Variants in PDZRN4 observed in about 807,000 individuals in gnomAD.
PDZRN4 encodes the protein PDZ domain-containing RING finger protein 4.
A neutral mutation model predicts 99.0 loss-of-function variants in PDZRN4; 70 were observed. The ratio of observed to expected loss-of-function variants is 0.71; its 90% CI spans 0.58 to 0.86. The LOEUF (loss-of-function observed/expected upper bound fraction) is 0.86. PDZRN4 is among the 40% of genes least tolerant of loss of function. PDZRN4 has a pLI of 0.00. For synonymous variants in PDZRN4, 551 were observed against 501.6 expected (o/e 1.10, Z -1.32); for missense variants, 1,474 against 1,331.2 (o/e 1.11, Z -1.67).
intron 3 of PDZRN4, among the ~76,000 whole-genome samples, chr12:41,361,229 T>C (rs1951961867): frequency 6.6e-6 from 1 of 152,080 alleles, no homozygotes; most frequent in Non-Finnish European, 1.5e-5. Context: ...CATAAACAAA[T>C]AATTATAGAA....
intron 4 of PDZRN4, 66 bp downstream of exon 4, chr12:41,506,778 A>C: frequency 6.6e-7 from 1 of 1,523,684 alleles, no homozygotes; most frequent in East Asian, 2.3e-5. Flanking sequence ...CAGATGTTGA[A>C]AAGAAGCAGT....
intron 3 of PDZRN4, among the ~76,000 whole-genome samples, chr12:41,443,531 A>C (rs1426960939): frequency 1.3e-5 from 2 of 152,082 alleles, no homozygotes; most frequent in Non-Finnish European, 2.9e-5. Context: ...GAGAACTGTG[A>C]TAAGAGTTCA....
At chr12:41,274,354 T>C (rs981606240) in intron 3 of PDZRN4, among the ~76,000 whole-genome samples, 2 of 152,186 alleles carry the variant, frequency 1.3e-5, no homozygotes, top group Non-Finnish European at 2.9e-5. Flanking sequence ...TAAATAGATA[T>C]GGCACAAAGG....
chr12:41,436,756 C>T (rs1952633149), intron 3 of PDZRN4, among the ~76,000 whole-genome samples: 1 of 152,142 alleles, frequency 6.6e-6, no homozygotes, highest in South Asian at 2.1e-4. Context: ...AAATGAAATG[C>T]ATTACTTCTG....
chr12:41,449,069 A>G (rs1952753294), intron 3 of PDZRN4, among the ~76,000 whole-genome samples: 1 of 152,152 alleles, frequency 6.6e-6, no homozygotes, highest in Admixed American at 6.5e-5. Flanking sequence ...ATGACAAAAA[A>G]TGATAGAATT....
At chr12:41,333,121 C>A (rs986825829) in intron 3 of PDZRN4, among the ~76,000 whole-genome samples, 2 of 152,110 alleles carry the variant, frequency 1.3e-5, no homozygotes, top group African/African-American at 4.8e-5. Flanking sequence ...GCACCTTAAA[C>A]CTTAATTGGA....
At chr12:41,537,633 A>C (rs900579208) in intron 5 of PDZRN4, among the ~76,000 whole-genome samples, 2 of 152,170 alleles carry the variant, frequency 1.3e-5, no homozygotes. Flanking sequence ...TAGTGCTGTA[A>C]GGATGTAATG....
At chr12:41,306,256 C>T (rs1951568844) in intron 3 of PDZRN4, among the ~76,000 whole-genome samples, 1 of 152,184 alleles carries the variant, frequency 6.6e-6, no homozygotes. Flanking sequence ...TGGGCAGGGA[C>T]TACACCCTCA....
intron 3 of PDZRN4, among the ~76,000 whole-genome samples, chr12:41,338,515 C>A (rs1038331272): frequency 2.6e-5 from 4 of 151,424 alleles, no homozygotes; most frequent in Non-Finnish European, 4.4e-5. Context: ...ATCAACCAAC[C>A]AAACTATTGG....
At chr12:41,456,690 G>T (rs1366748212) in intron 3 of PDZRN4, among the ~76,000 whole-genome samples, 1 of 152,184 alleles carries the variant, frequency 6.6e-6, no homozygotes, top group African/African-American at 2.4e-5. Context: ...GTTTGAACTG[G>T]CTTAACCACA....
intron 5 of PDZRN4, among the ~76,000 whole-genome samples, chr12:41,516,614 C>T (rs1195600588): frequency 1.3e-5 from 2 of 151,976 alleles, no homozygotes; most frequent in South Asian, 2.1e-4. Context: ...GGAACATATG[C>T]GTGTTTTACC....
intron 3 of PDZRN4, among the ~76,000 whole-genome samples, chr12:41,200,001 C>G (rs1013291507): frequency 6.6e-6 from 1 of 152,082 alleles, no homozygotes; most frequent in African/African-American, 2.4e-5. Flanking sequence ...ATTTGTAACC[C>G]CTAAATCTAT....
rs1206561911 is a variant in PDZRN4, at chr12:41,266,336, T to A, written c.843+72148T>A. Among the ~76,000 whole-genome samples the A allele has an allele frequency of 4.2e-4, 62 of 146,170 alleles. 7 individuals carry two copies. The highest frequency in any genetic ancestry group is 1.5e-3 in the African/African-American group (56 of 37,780). ...AAAAAAAAAAAAAAAAAAAAAAAAA[T>A]GAGATATTAAAATCAATAAGTTAAT... On this transcript the variant is annotated intron_variant, in intron 3 of 9. Transcript: ENST00000402685.
chr12:41,364,262 A>C (rs1332776632), intron 3 of PDZRN4, among the ~76,000 whole-genome samples: 1 of 152,062 alleles, frequency 6.6e-6, no homozygotes, highest in Non-Finnish European at 1.5e-5. Flanking sequence ...GTAATCATTT[A>C]CACAGTGTTT....
intron 3 of PDZRN4, among the ~76,000 whole-genome samples, chr12:41,204,105 A>G (rs1950833559): frequency 6.6e-6 from 1 of 152,026 alleles, no homozygotes; most frequent in Non-Finnish European, 1.5e-5. Context: ...CCTTGTCTTC[A>G]CTTTCCAACA....
At chr12:41,249,548 G>T (rs976237177) in intron 3 of PDZRN4, among the ~76,000 whole-genome samples, 13 of 152,124 alleles carry the variant, frequency 8.5e-5, no homozygotes, top group African/African-American at 3.1e-4. Context: ...TGGCTTTGAG[G>T]CTGGACAGAA....
intron 3 of PDZRN4, among the ~76,000 whole-genome samples, chr12:41,231,353 C>A (rs1230445966): frequency 6.6e-6 from 1 of 152,090 alleles, no homozygotes; most frequent in Non-Finnish European, 1.5e-5. Flanking sequence ...TTGGCATTTA[C>A]ATTGCCTAAT....
chr12:41,501,551 C>G (rs549125921), intron 3 of PDZRN4, among the ~76,000 whole-genome samples: 1 of 152,282 alleles, frequency 6.6e-6, no homozygotes, highest in Non-Finnish European at 1.5e-5. Context: ...AAGCCCTCTT[C>G]TTTACCTAAC....
intron 3 of PDZRN4, among the ~76,000 whole-genome samples, chr12:41,269,050 T>C (rs1474012754): frequency 2.0e-5 from 3 of 152,150 alleles, no homozygotes; most frequent in Non-Finnish European, 4.4e-5. Context: ...ACAAGGATAT[T>C]TAGGTTTAGC....
Sources: gnomAD v4.1 joint callset for allele counts (sites outside exome capture counted in the v4.1 genomes callset) on GRCh38, gnomAD v4.1.1 for gene constraint, MANE v1.5 for transcripts, NCBI Gene and HGNC (gene_info 2026-07-23, HGNC 2026-07-21) for gene names.